SCRIB: variants seen among roughly 807,000 people sequenced by gnomAD.
SCRIB encodes protein scribble homolog.
SCRIB carries 72 observed loss-of-function variants against 170.0 expected under a neutral mutation model. The observed-to-expected ratio is 0.42, with a 90% CI of 0.35 to 0.52. The LOEUF (loss-of-function observed/expected upper bound fraction) is 0.52. Ranked by LOEUF, SCRIB falls within the 20% of genes least tolerant of loss-of-function variation. SCRIB has a pLI of 0.02. For synonymous variants in SCRIB, 1,298 were observed against 1,044.3 expected (o/e 1.24, Z -4.68); for missense variants, 2,475 against 2,338.5 (o/e 1.06, Z -1.20).
rs781988436 is a variant in SCRIB at position 143,803,509 on chromosome 8, C to G, written c.3477G>C (p.Glu1159Asp). Residue 1159 changes from glutamate to aspartate, a missense_variant, in exon 24 of 37, where the codon GAG (glutamate) becomes GAC (aspartate). Glu to Asp is a conservative substitution (Grantham distance 45). Around this residue, in one of 3 missense-constraint regions of SCRIB, gnomAD observed 1,966 missense variants for 1,742.9 expected, o/e 1.13. Coordinates refer to ENST00000356994, the MANE Select transcript of SCRIB (RefSeq NM_182706.5). ...GGCCCAGCAGGCTCTGCTGGTTCAC[C>G]TCCAACAGCCGCAAACCCACACGCA... ...GRLRVGLRLLEVNQQSLLGLT... is the reference protein window; with the variant it reads ...GRLRVGLRLLDVNQQSLLGLT... 6 of 1,603,292 alleles carry G rather than the reference C, an allele frequency of 3.7e-6. No individual in the cohort carries two copies. The South Asian group carries it at 6.6e-5, about 18-fold the overall frequency.
chr8:143,813,762 G>T, intron 3 of SCRIB, 36 bp from the exon 4 acceptor site: 1 of 1,610,888 alleles, frequency 6.2e-7, no homozygotes, highest in Non-Finnish European at 8.5e-7. Context: ...CGGATGACCA[G>T]TCCAGGGCTG....
rs754213227 is a variant in SCRIB at position 143,810,465 on chromosome 8, G to C, written c.1530+14C>G. 2.5e-6 allele frequency: 4 copies of C among 1,603,422 alleles called. No homozygotes were observed. In the South Asian group the frequency reaches 4.4e-5, roughly 18 times the overall value. ...GGTCAGCGGCCCGCCAGGTTGCCGT[G>C]GCTCCATGCCCACCTCCTCTGCAGG... On this transcript the variant is annotated intron_variant, in intron 13 of 36. Coordinates refer to ENST00000356994, the MANE Select transcript of SCRIB (RefSeq NM_182706.5).
chr8:143,807,638 C>G, intron 15 of SCRIB, 24 bp from the exon 16 acceptor site: 1 of 1,606,654 alleles, frequency 6.2e-7, no homozygotes, highest in Non-Finnish European at 8.5e-7. Context: ...ACCAGTGAGG[C>G]ATGCAGGTTA....
chr8:143,799,181 G>A (rs1815070459), intron 24 of SCRIB, among the ~76,000 whole-genome samples: 1 of 152,186 alleles, frequency 6.6e-6, no homozygotes, highest in Non-Finnish European at 1.5e-5. Flanking sequence ...CTCACATCAG[G>A]ACAGAAACAG....
Position 143,791,915 on chromosome 8 carries a change from T to TG in SCRIB, c.4658-3dup, listed in dbSNP as rs781972984. On this transcript the variant is annotated splice_polypyrimidine_tract_variant and splice_region_variant and intron_variant, in intron 33 of 36. Coordinates refer to ENST00000356994, the MANE Select transcript of SCRIB (RefSeq NM_182706.5). Reference sequence around the variant, plus strand: ...AGGTGCTGGTCTGGGGGCCGAGGTCTGGGGGGACAAGAAGCGGGCATTGGA... The same window carrying TG: ...AGGTGCTGGTCTGGGGGCCGAGGTCTGGGGGGGACAAGAAGCGGGCATTGGA... 40 of 1,413,244 alleles carry TG rather than the reference T, an allele frequency of 2.8e-5. No homozygotes were observed. In the African/African-American group the frequency reaches 6.1e-4, roughly 22 times the overall value. 87.5% of individuals were successfully genotyped at this position (1,413,244 alleles called of 1,614,324 possible).
intron 24 of SCRIB, 106 bp downstream of exon 24, chr8:143,803,277 C>T (rs1223425703): frequency 6.2e-6 from 7 of 1,136,598 alleles, no homozygotes; most frequent in Non-Finnish European, 7.3e-6. Context: ...ACCGCCCAGA[C>T]CCAGAGGCAC....
rs757468791 is a variant in SCRIB at position 143,808,873 on chromosome 8, G to A, written c.1851C>T (p.Ser617=). ...CAACGGCCTCGGGCTGGGGCAGCTT[G>A]GAGATCTTGAAGTGCTTTTTGTAGT... ...TPHYKKHFKI[S]KLPQPEAVVA... Residue 617 remains serine, a synonymous_variant, in exon 15 of 37, where the codon TCC becomes TCT. Transcript: ENST00000356994. 25 of 1,609,868 alleles carry A rather than the reference G, an allele frequency of 1.6e-5. No individual in the cohort carries two copies. The highest frequency in any genetic ancestry group is 2.7e-5 in the African/African-American group (2 of 74,948).
chr8:143,803,979 C>T (rs782796876), intron 22 of SCRIB, 39 bp from the exon 23 acceptor site: 12 of 1,568,656 alleles, frequency 7.6e-6, no homozygotes, highest in East Asian at 2.3e-5. Context: ...GCTGAGGCCG[C>T]GCTGACCTGC....
chr8:143,794,546 C>T (rs903908755), intron 27 of SCRIB, among the ~76,000 whole-genome samples: 2 of 152,124 alleles, frequency 1.3e-5, no homozygotes, highest in African/African-American at 2.4e-5. Context: ...TCGGCACTCA[C>T]GTTCGGTGGG....
chr8:143,815,010 G>C, intron 1 of SCRIB: 1 of 557,178 alleles, frequency 1.8e-6, no homozygotes, highest in Non-Finnish European at 3.0e-6. Context: ...GCTATCCCCA[G>C]GCAAGCACCT....
chr8:143,803,820 G>A lies in SCRIB; in HGVS notation c.3241C>T (p.Pro1081Ser), dbSNP rs1554635593. 1.2e-6 allele frequency: 2 copies of A among 1,603,944 alleles called. No individual in the cohort carries two copies. The highest frequency in any genetic ancestry group is 8.5e-7 in the Non-Finnish European group (1 of 1,178,956). The change falls in exon 23 of 37, where the codon CCC becomes TCC. Residue 1081 changes from proline to serine, a missense_variant. This residue lies in a region of SCRIB where 1,966 missense variants were observed against 1,742.9 expected (regional missense o/e 1.13). Coordinates refer to ENST00000356994, the MANE Select transcript of SCRIB (RefSeq NM_182706.5). ...HQEAVSALLR[P>S]CLELSLLVRR... ...ACCAGCAGCGACAGCTCCAGGCAGG[G>A]CCGGAGCAGGGCACTGACTGCTTCT...
Position 143,792,867 on chromosome 8 carries a change from G to A in SCRIB, c.4018C>T (p.Pro1340Ser), listed in dbSNP as rs1268115095. ...SHPPEDAPAQ[P>S]PTPGPAASPE... ...GAGGCTGCAGGCCCAGGCGTGGGGGGCTGGGGGGAGCGGACCTTGAGGTTT... is the reference window on the plus strand; with the variant it reads ...GAGGCTGCAGGCCCAGGCGTGGGGGACTGGGGGGAGCGGACCTTGAGGTTT... Residue 1340 changes from proline (P) to serine (S), a missense_variant and splice_region_variant, in exon 30 of 37, where the codon CCC becomes TCC. This residue lies in a region of SCRIB where 1,966 missense variants were observed against 1,742.9 expected (regional missense o/e 1.13). Coordinates refer to ENST00000356994, the MANE Select transcript of SCRIB (RefSeq NM_182706.5). 1.3e-6 allele frequency: 2 copies of A among 1,513,166 alleles called. No individual in the cohort carries two copies. The highest frequency in any genetic ancestry group is 1.8e-6 in the Non-Finnish European group (2 of 1,135,718). The allele number at this position is 1,513,166 out of a possible 1,614,324, so 93.7% of individuals were successfully genotyped here.
In SCRIB at chr8:143,791,702, C is replaced by T. The variant is rs1163271495; in HGVS notation, c.4734G>A (p.Ala1578=). The stretch of plus-strand genomic sequence containing the variant: ...AGACAGGTCTGGAAGAAGGCAGGGC[C>T]GCAAAGGCCCTGTAGTCAAACTTCT... ...SGKKFDYRAF[A]ALPSSRPVYD... is the part of the protein sequence containing the mutation. Residue 1578 remains alanine (A), a synonymous_variant, in exon 35 of 37, where the codon GCG becomes GCA. Transcript: ENST00000356994. The T allele has an allele frequency of 1.1e-5, 18 of 1,604,294 alleles. No homozygotes were observed. Among genetic ancestry groups the T allele is most frequent in the East Asian group, 2.2e-5 (1 of 44,502 alleles).
intron 2 of SCRIB, 39 bp from the exon 3 acceptor site, chr8:143,813,935 G>A (rs747094897): frequency 3.8e-6 from 6 of 1,597,540 alleles, no homozygotes; most frequent in South Asian, 1.1e-5. Context: ...GCCATGGCCT[G>A]CAGGCCGTCT....
chr8:143,813,979 A>G (rs765472287), intron 2 of SCRIB, 22 bp downstream of exon 2: 2 of 1,262,912 alleles, frequency 1.6e-6, no homozygotes, highest in African/African-American at 2.9e-5. Context: ...GACCCCACCC[A>G]GCCCCTGCCC....
rs1587541875 is a variant in SCRIB at position 143,810,664 on chromosome 8, C to T, written c.1404+22G>A. The T allele has an allele frequency of 6.9e-6, 11 of 1,602,592 alleles. No homozygotes were observed. In the East Asian group the frequency reaches 2.0e-4, roughly 29 times the overall value. ...GGCAGGGGTCAGGCAGAGGTTCGCC[C>T]CCCAGATCCTCACCCTCATACCCGC... On this transcript the variant is annotated intron_variant, in intron 12 of 36. Coordinates refer to ENST00000356994, the MANE Select transcript of SCRIB (RefSeq NM_182706.5).
chr8:143,803,500 C>T lies in SCRIB; in HGVS notation c.3486G>A (p.Gln1162=), dbSNP rs782447146. The change falls in exon 24 of 37, where the codon CAG becomes CAA. Residue 1162 remains glutamine, a synonymous_variant. Transcript: ENST00000356994. ...CGTGCGTCAGGCCCAGCAGGCTCTG[C>T]TGGTTCACCTCCAACAGCCGCAAAC... is the stretch of plus-strand genomic sequence containing the variant. ...RVGLRLLEVN[Q]QSLLGLTHGE... The T allele has an allele frequency of 6.2e-7, 1 of 1,602,576 alleles. No individual in the cohort carries two copies. The highest frequency in any genetic ancestry group is 1.1e-5 in the South Asian group (1 of 90,930).
intron 24 of SCRIB, among the ~76,000 whole-genome samples, chr8:143,802,001 T>C (rs1238462233): frequency 5.3e-5 from 8 of 152,240 alleles, no homozygotes; most frequent in African/African-American, 1.7e-4. Flanking sequence ...TCTGCATACC[T>C]AGCTCTTCCC....
In SCRIB at chr8:143,809,540, C is replaced by T. The variant is rs1219073792; in HGVS notation, c.1698+11G>A. On this transcript the variant is annotated intron_variant, in intron 14 of 36. Transcript: ENST00000356994. ...GGCCCAGCCTCCTGCCTCCTTCCTG[C>T]CAATCCACACCTCCTGGTAGTCCTC... 6.2e-7 allele frequency: 1 copy of T among 1,602,466 alleles called. No individual in the cohort carries two copies. The highest frequency in any genetic ancestry group is 1.1e-5 in the South Asian group (1 of 90,794).
Sources: allele counts gnomAD v4.1 joint callset (sites outside exome capture counted in the v4.1 genomes callset), GRCh38; gene constraint gnomAD v4.1.1; regional missense constraint gnomAD v4.1.1; transcripts MANE v1.5; gene names NCBI Gene and HGNC (gene_info 2026-07-23, HGNC 2026-07-21).